The following AUTS2 variants were observed in gnomAD, a reference collection of about 807,000 sequenced individuals.
AUTS2 encodes activator of transcription and developmental regulator AUTS2.
AUTS2 carries 17 observed loss-of-function variants against 112.4 expected under a neutral mutation model. That is an observed-to-expected ratio of 0.15 (90% CI 0.10 to 0.23). The LOEUF (loss-of-function observed/expected upper bound fraction) is 0.23, where lower values mean the gene tolerates loss of function less well. Ranked by LOEUF, AUTS2 falls within the 10% of genes least tolerant of loss-of-function variation. The pLI is 1.00. For missense variants in AUTS2, 1,510 were observed against 1,701.6 expected, an observed-to-expected ratio of 0.89 and a Z score of 1.98; for synonymous variants, 751 against 702.7, an observed-to-expected ratio of 1.07 and a Z score of -1.09.
At chr7:70,561,399 G>C (rs1244104058) in intron 5 of AUTS2, among the ~76,000 whole-genome samples, 2 of 152,208 alleles carry the variant, frequency 1.3e-5, no homozygotes, top group South Asian at 2.1e-4. Context: ...AGGCTGTGGT[G>C]GGATTGCTTG....
At chr7:70,701,908 A>C (rs912926949) in intron 6 of AUTS2, among the ~76,000 whole-genome samples, 1 of 152,320 alleles carries the variant, frequency 6.6e-6, no homozygotes, top group African/African-American at 2.4e-5. Flanking sequence ...ACAGAGAGAG[A>C]CTTAGTAACC....
At chr7:69,788,158 C>T (rs1292208732) in intron 1 of AUTS2, among the ~76,000 whole-genome samples, 1 of 152,076 alleles carries the variant, frequency 6.6e-6, no homozygotes, top group East Asian at 1.9e-4. Context: ...CCACCTCAAG[C>T]CCCCAGTAAA....
intron 1 of AUTS2, among the ~76,000 whole-genome samples, chr7:69,827,458 A>C (rs1004202269): frequency 5.9e-5 from 9 of 152,030 alleles, no homozygotes; most frequent in Non-Finnish European, 8.8e-5. Context: ...GGAAAAAAAA[A>C]CCCCTAAAAA....
chr7:69,976,753 T>G (rs1055292902), intron 2 of AUTS2, among the ~76,000 whole-genome samples: 2 of 152,204 alleles, frequency 1.3e-5, no homozygotes, highest in African/African-American at 4.8e-5. Flanking sequence ...TTGGAGAAAT[T>G]TCTATTCAAA....
At chr7:70,294,665 G>A (rs1161150706) in intron 4 of AUTS2, among the ~76,000 whole-genome samples, 1 of 152,126 alleles carries the variant, frequency 6.6e-6, no homozygotes, top group Non-Finnish European at 1.5e-5. Flanking sequence ...TCGGTCACAG[G>A]CTGGTTTGGA....
At chr7:70,095,011 G>C (rs1804116461) in intron 2 of AUTS2, among the ~76,000 whole-genome samples, 1 of 152,104 alleles carries the variant, frequency 6.6e-6, no homozygotes, top group Non-Finnish European at 1.5e-5. Flanking sequence ...CAAATACCAA[G>C]CCCGCAGGGA....
intron 2 of AUTS2, among the ~76,000 whole-genome samples, chr7:69,927,316 G>T (rs11762487): frequency 6.7e-6 from 1 of 150,290 alleles, no homozygotes; most frequent in Admixed American, 6.6e-5. Context: ...TTACATTTAC[G>T]CCTTTATAGC....
At chr7:70,626,386 T>G (rs1804948434) in intron 5 of AUTS2, among the ~76,000 whole-genome samples, 1 of 142,412 alleles carries the variant, frequency 7.0e-6, no homozygotes, top group Non-Finnish European at 1.5e-5. Flanking sequence ...AAAAAAAAAT[T>G]ATGTAAAAAC....
intron 4 of AUTS2, among the ~76,000 whole-genome samples, chr7:70,137,798 A>T (rs903434090): frequency 3.9e-5 from 6 of 152,190 alleles, no homozygotes; most frequent in Non-Finnish European, 7.3e-5. Context: ...GTGATGGAGC[A>T]AAGTTGGTCT....
At chr7:69,730,019 T>TTTTTTTTTTTTTTTTTTTA (rs10684332) in intron 1 of AUTS2, among the ~76,000 whole-genome samples, 5 of 132,098 alleles carry the variant, frequency 3.8e-5, no homozygotes, top group South Asian at 2.3e-4. Context: ...TTTTTTTTTT[T>TTTTTTTTTTTTTTTTTTTA]AGAAACTAGG....
chr7:69,982,029 G>A (rs1480934416), intron 2 of AUTS2, among the ~76,000 whole-genome samples: 1 of 152,124 alleles, frequency 6.6e-6, no homozygotes, highest in Non-Finnish European at 1.5e-5. Flanking sequence ...GTTTCTTAAG[G>A]ACAAGGACTC....
chr7:70,273,806 G>T (rs1051438397), intron 4 of AUTS2, among the ~76,000 whole-genome samples: 24 of 151,996 alleles, frequency 1.6e-4, no homozygotes, highest in Admixed American at 7.9e-4. Context: ...TCTGCATTTG[G>T]TTGAAAAAAG....
At chr7:70,518,135 C>G (rs1248255691) in intron 5 of AUTS2, among the ~76,000 whole-genome samples, 1 of 152,176 alleles carries the variant, frequency 6.6e-6, no homozygotes, top group Non-Finnish European at 1.5e-5. Flanking sequence ...ATGGCAAAGC[C>G]TGGCTAAATT....
chr7:70,571,334 AG>A (rs1801929790), intron 5 of AUTS2, among the ~76,000 whole-genome samples: 1 of 152,188 alleles, frequency 6.6e-6, no homozygotes, highest in Non-Finnish European at 1.5e-5. Flanking sequence ...AGAAGAAAAA[AG>A]GGAAGTAAAG....
At chr7:69,752,150 G>A (rs1456767449) in intron 1 of AUTS2, among the ~76,000 whole-genome samples, 1 of 152,182 alleles carries the variant, frequency 6.6e-6, no homozygotes, top group Admixed American at 6.5e-5. Context: ...TCTGGCACTG[G>A]CTCCTAGAAG....
At chr7:70,678,440 G>A (rs1275562761) in intron 5 of AUTS2, among the ~76,000 whole-genome samples, 1 of 152,168 alleles carries the variant, frequency 6.6e-6, no homozygotes, top group African/African-American at 2.4e-5. Context: ...ACTGGGGGGA[G>A]CAAGACACAT....
At chr7:70,630,445 G>A (rs142164521) in intron 5 of AUTS2, among the ~76,000 whole-genome samples, 92 of 152,274 alleles carry the variant, frequency 6.0e-4, no homozygotes, top group Non-Finnish European at 7.9e-4. Context: ...TTGTGTTCTC[G>A]GCTCCCGTGA....
chr7:70,339,910 G>A (rs773814414), intron 4 of AUTS2, among the ~76,000 whole-genome samples: 14 of 152,038 alleles, frequency 9.2e-5, no homozygotes, highest in South Asian at 2.1e-4. Flanking sequence ...GCAAAATACC[G>A]CTGATGTACT....
chr7:70,648,709 G>A (rs1806315255), intron 5 of AUTS2, among the ~76,000 whole-genome samples: 1 of 152,138 alleles, frequency 6.6e-6, no homozygotes, highest in African/African-American at 2.4e-5. Context: ...AGCCTCCCAA[G>A]TAGCTGGGAT....
Sources: gnomAD v4.1 joint callset for allele counts (sites outside exome capture counted in the v4.1 genomes callset) on GRCh38, gnomAD v4.1.1 for gene constraint, MANE v1.5 for transcripts, NCBI Gene and HGNC (gene_info 2026-07-23, HGNC 2026-07-21) for gene names.